Variants in GLIS3 observed in about 807,000 individuals in gnomAD.
GLIS3 encodes zinc finger protein GLIS3.
In GLIS3, 53 loss-of-function variants were observed where a neutral mutation model predicts 78.6. The ratio of observed to expected loss-of-function variants is 0.67; its 90% confidence interval spans 0.54 to 0.85. The LOEUF (loss-of-function observed/expected upper bound fraction) is 0.85, where lower values mean the gene tolerates loss of function less well. Ranked by LOEUF, GLIS3 falls within the 40% of genes least tolerant of loss-of-function variation. The probability of loss-of-function intolerance (pLI) is 0.00; values close to 1 mark genes in which losing one functional copy is unlikely to be tolerated. For missense variants in GLIS3, 1,703 were observed against 1,231.1 expected, an observed-to-expected ratio of 1.38 and a Z score of -5.74; for synonymous variants, 684 against 509.9, an observed-to-expected ratio of 1.34 and a Z score of -4.60.
At chr9:4,307,779 G>A (rs768080279) in intron 4 of GLIS3, among the ~76,000 whole-genome samples, 6 of 152,096 alleles carry the variant, frequency 3.9e-5, no homozygotes, top group Non-Finnish European at 8.8e-5. Context: ...TATTAACCAA[G>A]GAATATGGGC....
chr9:4,181,793 T>C (rs953702880), intron 2 of GLIS3, among the ~76,000 whole-genome samples: 15 of 152,168 alleles, frequency 9.9e-5, no homozygotes, highest in African/African-American at 3.6e-4. Flanking sequence ...GGCAAAGAAG[T>C]CTAGGCTAGC....
At chr9:4,277,154 G>A (rs1350128693) in intron 2 of GLIS3, among the ~76,000 whole-genome samples, 3 of 152,172 alleles carry the variant, frequency 2.0e-5, no homozygotes, top group South Asian at 2.1e-4. Flanking sequence ...CATTCAACAC[G>A]GTACACACAC....
At chr9:4,416,252 T>TTTTTAAAAA in the GLIS3 span, among the ~76,000 whole-genome samples, 1 of 75,804 alleles carries the variant, frequency 1.3e-5, no homozygotes, top group African/African-American at 5.3e-5. Flanking sequence ...ACACTGTTTT[T>TTTTTAAAAA]AAAAAAAAAA....
At chr9:4,198,016 G>T (rs1052777978) in intron 2 of GLIS3, among the ~76,000 whole-genome samples, 1 of 152,174 alleles carries the variant, frequency 6.6e-6, no homozygotes, top group African/African-American at 2.4e-5. Flanking sequence ...CTGCCTGCAT[G>T]AAATTAATTA....
the GLIS3 span, among the ~76,000 whole-genome samples, chr9:4,408,538 C>T: frequency 6.6e-6 from 1 of 151,344 alleles, no homozygotes; most frequent in Non-Finnish European, 1.5e-5. Context: ...ACCATCCTGG[C>T]TAACACGGTG....
intron 2 of GLIS3, among the ~76,000 whole-genome samples, chr9:4,201,433 C>T (rs548889897): frequency 5.9e-5 from 9 of 152,186 alleles, no homozygotes; most frequent in African/African-American, 1.9e-4. Context: ...ACCTAGAAAA[C>T]TCTAAAGACT....
At position 4,223,119 on chromosome 9, in the gene GLIS3, A is replaced by C. The variant is rs191371611; in HGVS notation, c.388+62919T>G. 7.4e-4 allele frequency among the ~76,000 whole-genome samples: 113 copies of C among 152,288 alleles called. 1 individual carries two copies. The highest frequency in any genetic ancestry group is 4.1e-4 in the South Asian group (2 of 4,820). On this transcript the variant is annotated intron_variant, in intron 2 of 10. Transcript: ENST00000381971. ...ACCTTTTCATATTTATGAAGTGTCTATGAGATAATCTGGTCCAAATTTTTC... is the reference window on the plus strand; with the variant it reads ...ACCTTTTCATATTTATGAAGTGTCTCTGAGATAATCTGGTCCAAATTTTTC...
At chr9:3,915,326 A>G (rs1008919210) in intron 6 of GLIS3, among the ~76,000 whole-genome samples, 4 of 152,180 alleles carry the variant, frequency 2.6e-5, no homozygotes, top group African/African-American at 9.7e-5. Flanking sequence ...CTAGAAAGTC[A>G]AAAATCTAAG....
chr9:4,006,304 CAAAAAAAAAA>C (rs71497513), intron 4 of GLIS3, among the ~76,000 whole-genome samples: 1 of 32,548 alleles, frequency 3.1e-5, no homozygotes, highest in Admixed American at 3.2e-4. Context: ...TCATATGTCT[CAAAAAAAAAA>C]AAAAAAAAAA....
chr9:4,259,840 AG>A (rs1267786476), intron 2 of GLIS3, among the ~76,000 whole-genome samples: 3 of 152,214 alleles, frequency 2.0e-5, no homozygotes, highest in African/African-American at 7.2e-5. Context: ...TGTAAAAAAA[AG>A]TAAATCTCCT....
Position 3,879,516 on chromosome 9 carries a change from G to C in GLIS3, c.2208C>G (p.His736Gln). ...CCTGTACATTATGTCCTGGAGAAGGGTGACTGACAGGATGTGGGGGTGGTA... is the reference window on the plus strand; with the variant it reads ...CCTGTACATTATGTCCTGGAGAAGGCTGACTGACAGGATGTGGGGGTGGTA... ...GAVPPPHPVS[H>Q]PSPGHNVQGS... Residue 736 changes from histidine (H) to glutamine (Q), a missense_variant, in exon 8 of 11, where the codon CAC becomes CAG. By Grantham distance (24) the His-to-Gln change is conservative (BLOSUM62 0). Coordinates refer to ENST00000381971, the MANE Select transcript of GLIS3 (RefSeq NM_001042413.2). The C allele has an allele frequency of 6.2e-7, 1 of 1,614,142 alleles. No individual in the cohort carries two copies. The highest frequency in any genetic ancestry group is 8.5e-7 in the Non-Finnish European group (1 of 1,179,988).
Position 4,196,553 on chromosome 9 carries a change from T to C in GLIS3, c.389-70612A>G, listed in dbSNP as rs1818869718. On this transcript the variant is annotated intron_variant, in intron 2 of 10. Coordinates refer to ENST00000381971, the MANE Select transcript of GLIS3 (RefSeq NM_001042413.2). ...GAGGCCAGCAAGACCACGAACCCAC[T>C]GAGAGGAATGAACAACTCCAGACGC... Among the ~76,000 whole-genome samples, 7 of 152,242 alleles carry C rather than the reference T, an allele frequency of 4.6e-5. No homozygotes were observed. In the South Asian group the frequency reaches 1.5e-3, roughly 32 times the overall value.
intron 4 of GLIS3, among the ~76,000 whole-genome samples, chr9:4,114,210 T>C (rs1831445057): frequency 6.6e-6 from 1 of 152,124 alleles, no homozygotes; most frequent in Non-Finnish European, 1.5e-5. Context: ...ATGCCCAAGC[T>C]CATTCAGAAC....
intron 2 of GLIS3, among the ~76,000 whole-genome samples, chr9:4,213,458 C>G (rs573261711): frequency 6.6e-6 from 1 of 152,224 alleles, no homozygotes; most frequent in East Asian, 1.9e-4. Context: ...AGTAGAACTT[C>G]TGATGATGAT....
intron 2 of GLIS3, among the ~76,000 whole-genome samples, chr9:4,239,314 ATAATT>A (rs1823074274): frequency 6.6e-6 from 1 of 150,766 alleles, no homozygotes; most frequent in African/African-American, 2.5e-5. Flanking sequence ...ACTTAAAAGT[ATAATT>A]AAAAAAAAAA....
chr9:4,482,529 G>C, the GLIS3 span, among the ~76,000 whole-genome samples: 2 of 152,072 alleles, frequency 1.3e-5, no homozygotes, highest in African/African-American at 4.8e-5. Flanking sequence ...GGAGACTCTG[G>C]TACTCCATGA....
intron 2 of GLIS3, among the ~76,000 whole-genome samples, chr9:4,185,094 T>C (rs993396619): frequency 5.3e-5 from 8 of 152,196 alleles, no homozygotes; most frequent in South Asian, 4.1e-4. Context: ...GATACCTATA[T>C]ATAGTTAATC....
intron 2 of GLIS3, among the ~76,000 whole-genome samples, chr9:4,211,639 T>G (rs956353219): frequency 3.3e-5 from 5 of 152,202 alleles, no homozygotes; most frequent in Non-Finnish European, 7.3e-5. Flanking sequence ...ACGTTAAATT[T>G]AAATTTACCC....
At chr9:4,212,985 G>A (rs568984661) in intron 2 of GLIS3, among the ~76,000 whole-genome samples, 27 of 152,278 alleles carry the variant, frequency 1.8e-4, no homozygotes, top group African/African-American at 4.8e-4. Context: ...AGGAAGACCC[G>A]TTCATTAGGA....
Sources: allele counts gnomAD v4.1 joint callset (sites outside exome capture counted in the v4.1 genomes callset), GRCh38; gene constraint gnomAD v4.1.1; transcripts MANE v1.5; gene names NCBI Gene and HGNC (gene_info 2026-07-23, HGNC 2026-07-21).